SLC17A2: variants seen among roughly 807,000 people sequenced by gnomAD.
The protein encoded by SLC17A2 is solute carrier family 17 member 2.
In SLC17A2, 38 loss-of-function variants were observed where a neutral mutation model predicts 52.1. The observed-to-expected ratio is 0.73, with a 90% CI of 0.56 to 0.96. The LOEUF is 0.96. Among genes scored for constraint, SLC17A2 ranks in the 40% least tolerant of loss-of-function variants. The pLI, the probability that SLC17A2 is intolerant of heterozygous loss-of-function variation, is 0.00. For missense variants in SLC17A2, 508 were observed against 583.9 expected (o/e 0.87, Z 1.34); for synonymous variants, 226 against 211.9 (o/e 1.07, Z -0.58).
At chr6:25,926,166 A>T (rs926518148) in intron 1 of SLC17A2, among the ~76,000 whole-genome samples, 4 of 152,338 alleles carry the variant, frequency 2.6e-5, no homozygotes, top group Admixed American at 1.3e-4. Context: ...GAATTAAATG[A>T]AAAATTGCAT....
intron 3 of SLC17A2, 65 bp from the exon 4 acceptor site, chr6:25,921,477 G>T: frequency 8.5e-7 from 1 of 1,171,600 alleles, no homozygotes; most frequent in Non-Finnish European, 1.2e-6. Flanking sequence ...TTTACAGTCA[G>T]AGTTGCTTGA....
At chr6:25,917,157 T>C (rs1387403620) in intron 6 of SLC17A2, 70 bp from the exon 7 acceptor site, 1 of 1,056,936 alleles carries the variant, frequency 9.5e-7, no homozygotes, top group South Asian at 1.3e-5. Context: ...TCCTCTGAAG[T>C]GGCATGCCTC....
intron 1 of SLC17A2, among the ~76,000 whole-genome samples, chr6:25,929,639 A>C (rs1766882458): frequency 1.3e-5 from 2 of 152,180 alleles, no homozygotes; most frequent in Admixed American, 1.3e-4. Flanking sequence ...GGGCCCTCTC[A>C]TCATCTGCCT....
At position 25,923,738 on chromosome 6, in the gene SLC17A2, G is replaced by C. The variant is rs778548454; in HGVS notation, c.197C>G (p.Ala66Gly). The change falls in exon 3 of 12, where the codon GCC becomes GGC. Residue 66 changes from alanine to glycine, a missense_variant. Physicochemically the swap from Ala to Gly is moderately conservative, Grantham distance 60 (BLOSUM62 0). Coordinates refer to ENST00000377850, the MANE Select transcript of SLC17A2 (RefSeq NM_001286123.3). ...NASTEGPVAD[A>G]FNNSSISIKE... is the part of the protein sequence containing the mutation. ...GATGGATATGCTGGAGTTATTGAAG[G>C]CATCTGCAACAGGCCCCTCAGTGGA... The C allele has an allele frequency of 1.9e-6, 3 of 1,614,110 alleles. No homozygotes were observed. In the South Asian group the frequency reaches 3.3e-5, roughly 18 times the overall value.
chr6:25,915,149 GTA>G (rs59580107), intron 10 of SLC17A2, among the ~76,000 whole-genome samples: 2,191 of 57,798 alleles, frequency 0.038, 257 homozygotes, highest in African/African-American at 0.085. Context: ...TATTGTGACT[GTA>G]TATATATATA....
Position 25,916,804 on chromosome 6 carries a change from T to G in SLC17A2, c.811A>C (p.Thr271Pro). The change falls in exon 8 of 12, where the codon ACA becomes CCA. Residue 271 changes from threonine (T) to proline (P), a missense_variant. Physicochemically the swap from Thr to Pro is conservative, Grantham distance 38. Coordinates refer to ENST00000377850, the MANE Select transcript of SLC17A2 (RefSeq NM_001286123.3). ...GRAVPIKAMVTCLPLWAIFLG... is the reference protein window; with the variant it reads ...GRAVPIKAMVPCLPLWAIFLG... ...AAAATGGCCCAAAGTGGTAGGCATG[T>G]GACCATCGCCTTTATGGGGACAGCT... 6.2e-7 allele frequency: 1 copy of G among 1,614,146 alleles called. No individual in the cohort carries two copies.
intron 1 of SLC17A2, among the ~76,000 whole-genome samples, chr6:25,927,559 A>G (rs998163672): frequency 1.1e-4 from 16 of 152,338 alleles, no homozygotes; most frequent in Middle Eastern, 6.8e-3. Context: ...TAATTAGTAG[A>G]TACTCATTTT....
intron 5 of SLC17A2, among the ~76,000 whole-genome samples, chr6:25,920,774 A>G (rs1043334856): frequency 7.9e-5 from 12 of 152,154 alleles, no homozygotes; most frequent in African/African-American, 2.4e-4. Flanking sequence ...TTTTCTGACT[A>G]CTAAGGCTTT....
In SLC17A2 at chr6:25,917,075, C is replaced by T. The variant is rs1766354628; in HGVS notation, c.662G>A (p.Cys221Tyr). 1 of 1,613,492 alleles carries T rather than the reference C, an allele frequency of 6.2e-7. No homozygotes were observed. The highest frequency in any genetic ancestry group is 1.1e-5 in the South Asian group (1 of 91,068). ...TGTGAACCATAGGAGACAGCAGACACAGCCAGTGCTACCTGGGAAGAAGGG... is the reference window on the plus strand; with the variant it reads ...TGTGAACCATAGGAGACAGCAGACATAGCCAGTGCTACCTGGGAAGAAGGG... ...FIFYIFGSTG[C>Y]VCCLLWFTVI... is the part of the protein sequence containing the mutation. Residue 221 changes from cysteine to tyrosine, a missense_variant, in exon 7 of 12, where the codon TGT (cysteine) becomes TAT (tyrosine). Transcript: ENST00000377850.
In SLC17A2 at chr6:25,918,493, T is replaced by C. The variant is rs754865785; in HGVS notation, c.643A>G (p.Ile215Val). 1.1e-5 allele frequency: 18 copies of C among 1,610,502 alleles called. No individual in the cohort carries two copies. In the African/African-American group the frequency reaches 1.3e-4, roughly 12 times the overall value. ...TTAAGAGAAAGTGACTCACCAAAGA[T>C]GTAGAAGATAAAAGGCCAGCTCAAG... ...QALSWPFIFYIFGSTGCVCCL... is the reference protein window; with the variant it reads ...QALSWPFIFYVFGSTGCVCCL... Residue 215 changes from isoleucine to valine, a missense_variant, in exon 6 of 12, where the codon ATC (isoleucine) becomes GTC (valine). Ile to Val is a conservative substitution (Grantham distance 29). Transcript: ENST00000377850.
intron 3 of SLC17A2, among the ~76,000 whole-genome samples, chr6:25,923,427 AG>A (rs1766631458): frequency 6.6e-6 from 1 of 152,344 alleles, no homozygotes; most frequent in African/African-American, 2.4e-5. Flanking sequence ...GGTAATACCT[AG>A]TTTTTCATTG....
At chr6:25,919,676 G>A (rs1409126097) in intron 5 of SLC17A2, among the ~76,000 whole-genome samples, 9 of 119,742 alleles carry the variant, frequency 7.5e-5, no homozygotes, top group Non-Finnish European at 1.4e-4. Flanking sequence ...GTCCGGCCTG[G>A]GCGAAAGAGT....
chr6:25,927,125 C>A (rs1423699632), intron 1 of SLC17A2, among the ~76,000 whole-genome samples: 5 of 152,140 alleles, frequency 3.3e-5, no homozygotes, highest in Non-Finnish European at 7.3e-5. Flanking sequence ...CAAGGCTTTG[C>A]ACTGTTTTTG....
At position 25,921,066 on chromosome 6, in the gene SLC17A2, T is replaced by C. The variant is rs776445761; in HGVS notation, c.502A>G (p.Ile168Val). Reference sequence around the variant, plus strand: ...AGTGGAGGAGCCCACTTTGCCCAAATAGTAAACTGACCTGTCCATGCCATT... The same window carrying C: ...AGTGGAGGAGCCCACTTTGCCCAAACAGTAAACTGACCTGTCCATGCCATT... ...QGMAWTGQFT[I>V]WAKWAPPLER... Residue 168 changes from isoleucine (I) to valine (V), a missense_variant, in exon 5 of 12, where the codon ATT becomes GTT. Coordinates refer to ENST00000377850, the MANE Select transcript of SLC17A2 (RefSeq NM_001286123.3). The C allele has an allele frequency of 1.2e-6, 2 of 1,614,056 alleles. No homozygotes were observed. The highest frequency in any genetic ancestry group is 1.7e-6 in the Non-Finnish European group (2 of 1,180,048).
chr6:25,926,246 A>G (rs1472285955), intron 1 of SLC17A2, among the ~76,000 whole-genome samples: 1 of 152,142 alleles, frequency 6.6e-6, no homozygotes, highest in Admixed American at 6.5e-5. Context: ...ACCATAAGAC[A>G]GGACAATTAA....
chr6:25,916,684 C>T lies in SLC17A2; in HGVS notation c.930+1G>A. 2 of 1,610,540 alleles carry T rather than the reference C, an allele frequency of 1.2e-6. No individual in the cohort carries two copies. Among genetic ancestry groups the T allele is most frequent in the East Asian group, 2.2e-5 (1 of 44,862 alleles). On this transcript the variant is annotated splice_donor_variant, in intron 8 of 11. Coordinates refer to ENST00000377850, the MANE Select transcript of SLC17A2 (RefSeq NM_001286123.3). LOFTEE classifies it high-confidence loss of function. ...CGTAGAAGTATAGGAAGTAAACTCACATCTCTGATGTTAACATGGAGCAGA... is the reference window on the plus strand; with the variant it reads ...CGTAGAAGTATAGGAAGTAAACTCATATCTCTGATGTTAACATGGAGCAGA...
rs745613344 is a variant in SLC17A2 at position 25,923,880 on chromosome 6, C to A, written c.55G>T (p.Gly19Trp). The A allele has an allele frequency of 6.2e-7, 1 of 1,614,158 alleles. No individual in the cohort carries two copies. Among genetic ancestry groups the A allele is most frequent in the South Asian group, 1.1e-5 (1 of 91,084 alleles). Reference protein sequence around the residue: ...KGPDFCSLRYGLALIMHFSNF... With the variant: ...KGPDFCSLRYWLALIMHFSNF... ...GAGAAGTGCATGATAAGAGCCAGCC[C>A]ATAGCGTAATGAACAGAAATCTGGA... Residue 19 changes from glycine (G) to tryptophan (W), a missense_variant, in exon 3 of 12, where the codon GGG (glycine) becomes TGG (tryptophan). Physicochemically the swap from Gly to Trp is radical, Grantham distance 184 (BLOSUM62 -2). Transcript: ENST00000377850.
chr6:25,916,917 C>T lies in SLC17A2; in HGVS notation c.768+52G>A, dbSNP rs1310673250. 6.8e-6 allele frequency: 11 copies of T among 1,607,354 alleles called. No individual in the cohort carries two copies. In the Admixed American group the frequency reaches 8.3e-5, roughly 12 times the overall value. On this transcript the variant is annotated intron_variant, in intron 7 of 11. Transcript: ENST00000377850. ...TGGTGCCTCTCAGAGGAGATCCACACCCTGCCCTAGAGACCTCTGCATGGG... is the reference window on the plus strand; with the variant it reads ...TGGTGCCTCTCAGAGGAGATCCACATCCTGCCCTAGAGACCTCTGCATGGG...
At chr6:25,926,331 T>G (rs563075085) in intron 1 of SLC17A2, among the ~76,000 whole-genome samples, 54 of 152,306 alleles carry the variant, frequency 3.5e-4, no homozygotes, top group African/African-American at 1.1e-3. Context: ...CTCTCCCCTC[T>G]GTACCACCAG....
Sources: gnomAD v4.1 joint callset for allele counts (sites outside exome capture counted in the v4.1 genomes callset) on GRCh38, gnomAD v4.1.1 for gene constraint, MANE v1.5 for transcripts, NCBI Gene and HGNC (gene_info 2026-07-23, HGNC 2026-07-21) for gene names.